Variants in SLC12A8 observed in about 807,000 individuals in gnomAD.
SLC12A8 encodes solute carrier family 12 member 8, also known as cation-chloride cotransporter 9.
A neutral mutation model predicts 75.6 loss-of-function variants in SLC12A8; 69 were observed. The observed-to-expected ratio is 0.91, with a 90% CI of 0.75 to 1.11. The LOEUF (loss-of-function observed/expected upper bound fraction) is 1.11. Ranked by LOEUF, SLC12A8 falls within the 50% of genes most tolerant of loss-of-function variation. SLC12A8 has a pLI of 0.00. For missense variants in SLC12A8, 877 were observed against 896.7 expected (o/e 0.98, Z 0.28); for synonymous variants, 365 against 372.8 (o/e 0.98, Z 0.24).
At chr3:125,115,818 G>A (rs949825949) in intron 8 of SLC12A8, among the ~76,000 whole-genome samples, 2 of 144,010 alleles carry the variant, frequency 1.4e-5, no homozygotes, top group African/African-American at 5.9e-5. Flanking sequence ...GAGGTGATGC[G>A]CGGGGCACAC....
At chr3:125,163,679 A>G (rs1934224191) in intron 5 of SLC12A8, among the ~76,000 whole-genome samples, 1 of 152,186 alleles carries the variant, frequency 6.6e-6, no homozygotes, top group African/African-American at 2.4e-5. Flanking sequence ...CACAAATTCC[A>G]GCAGGTCTGC....
chr3:125,095,018 T>G (rs1938679412), intron 10 of SLC12A8, among the ~76,000 whole-genome samples: 1 of 152,232 alleles, frequency 6.6e-6, no homozygotes. Flanking sequence ...GCTCGCCTCC[T>G]CCTTCCAACC....
intron 4 of SLC12A8, among the ~76,000 whole-genome samples, chr3:125,184,076 A>G (rs529557413): frequency 6.6e-6 from 1 of 152,038 alleles, no homozygotes; most frequent in East Asian, 1.9e-4. Context: ...AGGTTCAAGC[A>G]ATTCTCCTGC....
At chr3:125,190,749 C>A (rs750049752) in intron 2 of SLC12A8, among the ~76,000 whole-genome samples, 5 of 152,252 alleles carry the variant, frequency 3.3e-5, no homozygotes, top group Admixed American at 1.3e-4. Flanking sequence ...TCTCTTGTAA[C>A]AACAGTGATT....
chr3:125,110,184 C>T lies in SLC12A8; in HGVS notation c.1059+5G>A, dbSNP rs1297494137. ...AAAACAAACCAAAAAAAGAGGATTA[C>T]TCACCCCTTGTCCCAGACAGGCAAG... is the stretch of plus-strand genomic sequence containing the variant. On this transcript the variant is annotated splice_donor_5th_base_variant and intron_variant, in intron 9 of 13. Coordinates refer to ENST00000469902, the MANE Select transcript of SLC12A8 (RefSeq NM_024628.6). 5 of 1,608,914 alleles carry T rather than the reference C, an allele frequency of 3.1e-6. No homozygotes were observed. Among genetic ancestry groups the T allele is most frequent in the Non-Finnish European group, 4.2e-6 (5 of 1,176,774 alleles).
chr3:125,092,634 T>C (rs1212893531), intron 10 of SLC12A8, among the ~76,000 whole-genome samples: 1 of 151,944 alleles, frequency 6.6e-6, no homozygotes, highest in Admixed American at 6.6e-5. Context: ...GAAAGTTAGC[T>C]CGTGTTAGAC....
At position 125,092,103 on chromosome 3, in the gene SLC12A8, C is replaced by T. The variant is rs747346489; in HGVS notation, c.1801G>A (p.Gly601Arg). Residue 601 changes from glycine to arginine, a missense_variant and splice_region_variant, in exon 11 of 14, where the codon GGG becomes AGG. Transcript: ENST00000469902. ...HMCNPWVSLL[G>R]AVGSLLIMFV... ...GAGATCAAGATGAAGTTACTCACCC[C>T]CAACAGGGAGACCCAGGGGTTGCAC... 6.2e-7 allele frequency: 1 copy of T among 1,608,998 alleles called. No homozygotes were observed. Among genetic ancestry groups the T allele is most frequent in the Admixed American group, 1.7e-5 (1 of 59,940 alleles).
At chr3:125,167,537 A>G (rs1361935038) in intron 5 of SLC12A8, among the ~76,000 whole-genome samples, 1 of 152,016 alleles carries the variant, frequency 6.6e-6, no homozygotes, top group East Asian at 1.9e-4. Context: ...CACCCAAAGG[A>G]TCTCCACGGG....
intron 6 of SLC12A8, among the ~76,000 whole-genome samples, chr3:125,133,535 C>T (rs1437500017): frequency 1.1e-4 from 17 of 152,102 alleles, no homozygotes; most frequent in Non-Finnish European, 2.5e-4. Context: ...AAGTGATTCT[C>T]CTGCCTCAGC....
At chr3:125,172,354 C>T (rs1934422330) in intron 5 of SLC12A8, among the ~76,000 whole-genome samples, 1 of 151,964 alleles carries the variant, frequency 6.6e-6, no homozygotes. Context: ...GTCTGTCTCT[C>T]TCTGATTGTT....
intron 2 of SLC12A8, among the ~76,000 whole-genome samples, chr3:125,207,133 T>C (rs890070524): frequency 6.6e-6 from 1 of 152,098 alleles, no homozygotes; most frequent in Non-Finnish European, 1.5e-5. Flanking sequence ...ACCTGGAAAC[T>C]CCTCCTCCTG....
intron 5 of SLC12A8, among the ~76,000 whole-genome samples, chr3:125,150,719 G>C (rs7634448): frequency 2.0e-5 from 3 of 152,068 alleles, no homozygotes; most frequent in Non-Finnish European, 4.4e-5. Context: ...TGTACACTAG[G>C]GGGTAGGACT....
At chr3:125,122,128 C>A (rs1933075025) in intron 6 of SLC12A8, among the ~76,000 whole-genome samples, 1 of 152,116 alleles carries the variant, frequency 6.6e-6, no homozygotes, top group Non-Finnish European at 1.5e-5. Flanking sequence ...TGTTTAGAAG[C>A]TTTTGCTTAG....
chr3:125,118,048 C>T (rs1409725027), intron 8 of SLC12A8, among the ~76,000 whole-genome samples: 1 of 152,268 alleles, frequency 6.6e-6, no homozygotes, highest in Admixed American at 6.5e-5. Context: ...TGTCCAGCCT[C>T]CTTCTCCACT....
intron 5 of SLC12A8, among the ~76,000 whole-genome samples, chr3:125,146,857 C>T (rs553643674): frequency 2.0e-5 from 3 of 152,344 alleles, no homozygotes; most frequent in African/African-American, 7.2e-5. Context: ...CCACAGGGAA[C>T]ACCTCTTCCC....
chr3:125,203,232 C>A (rs919495908), intron 2 of SLC12A8, among the ~76,000 whole-genome samples: 6 of 148,078 alleles, frequency 4.1e-5, no homozygotes, highest in Admixed American at 1.3e-4. Flanking sequence ...AAAAAAAAAA[C>A]CCTAAAATTT....
intron 2 of SLC12A8, among the ~76,000 whole-genome samples, chr3:125,198,640 A>C (rs1276287942): frequency 6.6e-6 from 1 of 152,120 alleles, no homozygotes; most frequent in Non-Finnish European, 1.5e-5. Flanking sequence ...TCTCAAATAA[A>C]ATAAAACGAG....
At chr3:125,196,201 T>G (rs534224309) in intron 2 of SLC12A8, among the ~76,000 whole-genome samples, 1 of 152,170 alleles carries the variant, frequency 6.6e-6, no homozygotes, top group Non-Finnish European at 1.5e-5. Flanking sequence ...AAAATCTAAA[T>G]AGAATGCAAA....
At chr3:125,173,465 A>C (rs913261049) in intron 5 of SLC12A8, among the ~76,000 whole-genome samples, 2 of 150,680 alleles carry the variant, frequency 1.3e-5, no homozygotes. Flanking sequence ...AAAAAAAAAA[A>C]AAAAAAAAAA....
Sources: gnomAD v4.1 joint callset for allele counts (sites outside exome capture counted in the v4.1 genomes callset) on GRCh38, gnomAD v4.1.1 for gene constraint, MANE v1.5 for transcripts, NCBI Gene and HGNC (gene_info 2026-07-23, HGNC 2026-07-21) for gene names.